Variants in CAPN13 observed in about 807,000 individuals in gnomAD.
CAPN13 encodes calpain 13.
A neutral mutation model predicts 98.4 loss-of-function variants in CAPN13; 90 were observed. The ratio of observed to expected loss-of-function variants is 0.92; its 90% confidence interval spans 0.77 to 1.09. CAPN13 has a LOEUF of 1.09. Among genes scored for constraint, CAPN13 ranks in the 50% least tolerant of loss-of-function variants. The pLI, the probability that CAPN13 is intolerant of heterozygous loss-of-function variation, is 0.00. For synonymous variants in CAPN13, 330 were observed against 305.5 expected (o/e 1.08, Z -0.84); for missense variants, 887 against 841.3 (o/e 1.05, Z -0.67).
At chr2:30,775,805 G>T in intron 4 of CAPN13, 125 bp downstream of exon 4, 1 of 496,040 alleles carries the variant, frequency 2.0e-6, no homozygotes, top group African/African-American at 2.0e-5. Context: ...AAGGTAGGGA[G>T]GGTAACTAAC....
intron 22 of CAPN13, among the ~76,000 whole-genome samples, chr2:30,723,918 C>T (rs913678138): frequency 1.8e-4 from 28 of 152,100 alleles, no homozygotes; most frequent in African/African-American, 4.1e-4. Flanking sequence ...CTACAAGGCA[C>T]GAAGGAAAAA....
intron 19 of CAPN13, among the ~76,000 whole-genome samples, chr2:30,733,916 G>C (rs1382883397): frequency 2.0e-5 from 3 of 152,188 alleles, no homozygotes; most frequent in African/African-American, 7.2e-5. Flanking sequence ...ACAGTCAAAG[G>C]AGATGACGCG....
At chr2:30,785,465 G>A (rs1520322) in intron 2 of CAPN13, among the ~76,000 whole-genome samples, 49,358 of 151,984 alleles carry the variant, frequency 0.32, 10,463 homozygotes, top group African/African-American at 0.6. Flanking sequence ...CCTGTCCCCA[G>A]TCCCCCCAGT....
intron 11 of CAPN13, 56 bp downstream of exon 11, chr2:30,751,047 A>G (rs62142187): frequency 5.7e-6 from 9 of 1,582,262 alleles, no homozygotes; most frequent in East Asian, 2.3e-5. Context: ...GTTCTCCCCA[A>G]CTCAAGGTTT....
In CAPN13 at chr2:30,786,263, G is replaced by A. The variant is rs146726917; in HGVS notation, c.198+865C>T. The stretch of plus-strand genomic sequence containing the variant: ...ATGGTTGCAGATATTATAATGATTA[G>A]CTTACTAGACATTCTATTATTTTAT... On this transcript the variant is annotated intron_variant, in intron 2 of 22. Transcript: ENST00000295055. 4.6e-5 allele frequency among the ~76,000 whole-genome samples: 7 copies of A among 152,266 alleles called. No individual in the cohort carries two copies. The East Asian group carries it at 1.3e-3, about 29-fold the overall frequency.
intron 22 of CAPN13, among the ~76,000 whole-genome samples, chr2:30,724,116 C>G (rs959219790): frequency 6.6e-6 from 1 of 152,002 alleles, no homozygotes; most frequent in Non-Finnish European, 1.5e-5. Flanking sequence ...ATGTCTACAT[C>G]TTCCCTCCTT....
chr2:30,732,585 G>T lies in CAPN13; in HGVS notation c.1799-19C>A. Reference sequence around the variant, plus strand: ...AGGAAGTCTGGGGCCACAGGTGAACGAGTGAGTGAGAGGAGGCTAGGGCTC... The same window carrying T: ...AGGAAGTCTGGGGCCACAGGTGAACTAGTGAGTGAGAGGAGGCTAGGGCTC... On this transcript the variant is annotated intron_variant, in intron 19 of 22. Coordinates refer to ENST00000295055, the MANE Select transcript of CAPN13 (RefSeq NM_144575.3). 6.3e-7 allele frequency: 1 copy of T among 1,599,804 alleles called. No homozygotes were observed. The highest frequency in any genetic ancestry group is 8.5e-7 in the Non-Finnish European group (1 of 1,175,118).
At chr2:30,783,975 GT>G (rs1449510125) in intron 2 of CAPN13, among the ~76,000 whole-genome samples, 2 of 152,064 alleles carry the variant, frequency 1.3e-5, no homozygotes, top group Non-Finnish European at 2.9e-5. Context: ...GAGGTCAGGA[GT>G]TTGAGACCAG....
chr2:30,792,650 T>C, intron 1 of CAPN13, among the ~76,000 whole-genome samples: 1 of 152,006 alleles, frequency 6.6e-6, no homozygotes, highest in East Asian at 1.9e-4. Flanking sequence ...GTAACACTAA[T>C]CTTACGTGAA....
At chr2:30,789,361 A>G (rs1039345467) in intron 1 of CAPN13, among the ~76,000 whole-genome samples, 6 of 152,224 alleles carry the variant, frequency 3.9e-5, no homozygotes, top group Non-Finnish European at 8.8e-5. Context: ...ACAATGTGTG[A>G]TAAATTCTAG....
At chr2:30,771,090 G>A (rs541105054) in intron 4 of CAPN13, among the ~76,000 whole-genome samples, 13 of 152,328 alleles carry the variant, frequency 8.5e-5, no homozygotes, top group African/African-American at 2.6e-4. Flanking sequence ...GGCTGGCATC[G>A]CTACTGCTAA....
intron 7 of CAPN13, among the ~76,000 whole-genome samples, chr2:30,762,710 T>G (rs906048521): frequency 6.6e-6 from 1 of 152,226 alleles, no homozygotes; most frequent in Admixed American, 6.5e-5. Context: ...GTTACAACAA[T>G]TTAGCTTGCA....
chr2:30,729,822 C>T (rs150886630), intron 22 of CAPN13: 45 of 152,200 alleles, frequency 3.0e-4, no homozygotes, highest in African/African-American at 1.0e-3. Context: ...GATCACAGGT[C>T]GGCTGCGTGA....
intron 1 of CAPN13, among the ~76,000 whole-genome samples, chr2:30,790,501 G>T (rs568737502): frequency 4.6e-5 from 7 of 152,276 alleles, no homozygotes; most frequent in Non-Finnish European, 5.9e-5. Context: ...GAGCTCATCA[G>T]TCAAGCTCAG....
Position 30,787,286 on chromosome 2 carries a change from T to G in CAPN13, c.40A>C (p.Ile14Leu), listed in dbSNP as rs778915813. 8.1e-6 allele frequency: 13 copies of G among 1,613,332 alleles called. No homozygotes were observed. Among genetic ancestry groups the G allele is most frequent in the Middle Eastern group, 1.6e-4 (1 of 6,082 alleles). ...YQEPSVETSI[I>L]KFKDQDFTTL... ...GTAAAGTCCTGGTCTTTGAACTTGA[T>G]GATGGAGGTCTCCACTGAAGGCTCC... The change falls in exon 2 of 23, where the codon ATC (isoleucine) becomes CTC (leucine). Residue 14 changes from isoleucine (I) to leucine (L), a missense_variant. Physicochemically the swap from Ile to Leu is conservative, Grantham distance 5 (BLOSUM62 2). Coordinates refer to ENST00000295055, the MANE Select transcript of CAPN13 (RefSeq NM_144575.3).
At chr2:30,726,706 C>CA (rs1670868460) in intron 22 of CAPN13, among the ~76,000 whole-genome samples, 2 of 151,658 alleles carry the variant, frequency 1.3e-5, no homozygotes, top group Admixed American at 6.6e-5. Flanking sequence ...AATCATTGTT[C>CA]AAAAAAATTA....
rs566777825 is a variant in CAPN13 at position 30,730,697 on chromosome 2, G to A, written c.*30+33C>T. On this transcript the variant is annotated intron_variant, in intron 22 of 22. Transcript: ENST00000295055. ...AGGGGAAGGAGGACTCATGCTCCCA[G>A]GAGGGAAAGACTCCAAAGCTACCAT... 1.1e-4 allele frequency: 86 copies of A among 779,202 alleles called. 1 individual carries two copies. The South Asian group carries it at 1.1e-3, about 10-fold the overall frequency. The allele number at this position is 779,202 out of a possible 1,614,324, so 48.3% of individuals were successfully genotyped here.
intron 11 of CAPN13, among the ~76,000 whole-genome samples, chr2:30,749,034 G>A (rs1672050870): frequency 6.6e-6 from 1 of 152,114 alleles, no homozygotes; most frequent in East Asian, 1.9e-4. Flanking sequence ...AAACACCCCT[G>A]TCACCTCCAA....
At chr2:30,724,089 G>T (rs1035249906) in intron 22 of CAPN13, among the ~76,000 whole-genome samples, 2 of 152,108 alleles carry the variant, frequency 1.3e-5, no homozygotes, top group Admixed American at 1.3e-4. Flanking sequence ...GGGTGGGGTT[G>T]CTTCTAACCC....
Sources: gnomAD v4.1 joint callset for allele counts (sites outside exome capture counted in the v4.1 genomes callset) on GRCh38, gnomAD v4.1.1 for gene constraint, MANE v1.5 for transcripts, NCBI Gene and HGNC (gene_info 2026-07-23, HGNC 2026-07-21) for gene names.